PCDHGA1: variants seen among roughly 807,000 people sequenced by gnomAD.
PCDHGA1 encodes the protein protocadherin gamma subfamily A, 1.
A neutral mutation model predicts 58.0 loss-of-function variants in PCDHGA1; 32 were observed. The ratio of observed to expected loss-of-function variants is 0.55; its 90% CI spans 0.42 to 0.74. The LOEUF is 0.74. Ranked by LOEUF, PCDHGA1 falls within the 30% of genes least tolerant of loss-of-function variation. The pLI is 0.00. For missense variants in PCDHGA1, 1,205 were observed against 1,182.3 expected (o/e 1.02, Z -0.28); for synonymous variants, 498 against 501.1 (o/e 0.99, Z 0.08).
chr5:141,512,275 A>G lies in PCDHGA1; in HGVS notation c.*1102A>G, dbSNP rs368275103. 1 of 152,730 alleles carries G rather than the reference A, an allele frequency of 6.5e-6. No individual in the cohort carries two copies. The highest frequency in any genetic ancestry group is 2.1e-4 in the South Asian group (1 of 4,824). The allele number at this position is 152,730 out of a possible 1,614,324, so 9.5% of individuals were successfully genotyped here. ...GGGTGCTGGGTACTCCAGAGGTGCC[A>G]CTGGTGGAAGGGTCAGCGGAGCCCC... On this transcript the variant is annotated 3_prime_UTR_variant, in exon 4 of 4. Transcript: ENST00000517417.
chr5:141,350,552 GA>G, intron 1 of PCDHGA1: 1 of 1,614,066 alleles, frequency 6.2e-7, no homozygotes, highest in Non-Finnish European at 8.5e-7. Context: ...AAGGAAACTT[GA>G]GTGTGCACTA....
intron 1 of PCDHGA1, chr5:141,343,224 T>C: frequency 1.2e-6 from 1 of 852,238 alleles, no homozygotes; most frequent in South Asian, 5.4e-5. Flanking sequence ...GTTTAATGAA[T>C]ATTAAATAAC....
At position 141,485,257 on chromosome 5, in the gene PCDHGA1, T is replaced by G. The variant is rs1251686604; in HGVS notation, c.2422-9550T>G. 1.9e-6 allele frequency: 3 copies of G among 1,614,036 alleles called. No homozygotes were observed. The highest frequency in any genetic ancestry group is 2.5e-6 in the Non-Finnish European group (3 of 1,180,006). ...TCTTTTACCACCTGGGTTACGTTTG[T>G]GGGCAGATCCGCTACCCGGTCCCAG... On this transcript the variant is annotated intron_variant, in intron 1 of 3. Coordinates refer to ENST00000517417, the MANE Select transcript of PCDHGA1 (RefSeq NM_018912.3). The surrounding 1 kb of genome is among the most constrained non-coding windows in gnomAD (Gnocchi z 5.7).
chr5:141,501,066 A>G (rs2099805322), intron 2 of PCDHGA1, among the ~76,000 whole-genome samples: 1 of 151,976 alleles, frequency 6.6e-6, no homozygotes, highest in South Asian at 2.1e-4. Flanking sequence ...ACGGGGTTTC[A>G]CCATGTTGAC....
At position 141,431,738 on chromosome 5, in the gene PCDHGA1, TA is replaced by T; in HGVS notation, c.2422-63068del. ...AGTGCAAGCAATGGATAATGCAGGA[TA>T]TTCTGCGCGAGCCAAAGTCCTGATC... On this transcript the variant is annotated intron_variant, in intron 1 of 3. Coordinates refer to ENST00000517417, the MANE Select transcript of PCDHGA1 (RefSeq NM_018912.3). The surrounding 1 kb of genome is among the most constrained non-coding windows in gnomAD (Gnocchi z 4.8). The T allele has an allele frequency of 6.2e-7, 1 of 1,614,234 alleles. No individual in the cohort carries two copies. Among genetic ancestry groups the T allele is most frequent in the South Asian group, 1.1e-5 (1 of 91,092 alleles).
chr5:141,442,700 T>TC (rs1388243183), intron 1 of PCDHGA1, among the ~76,000 whole-genome samples: 5 of 152,198 alleles, frequency 3.3e-5, no homozygotes, highest in Non-Finnish European at 7.3e-5. Flanking sequence ...CAGACAAGAG[T>TC]ATCAGACATG....
intron 1 of PCDHGA1, chr5:141,415,739 G>GGT (rs2095908308): frequency 2.3e-6 from 1 of 434,538 alleles, no homozygotes; most frequent in East Asian, 5.9e-5. Context: ...TGTTTATTAA[G>GGT]GTTTTTTTTT....
chr5:141,409,130 G>T (rs1265386524), intron 1 of PCDHGA1: 1 of 1,613,994 alleles, frequency 6.2e-7, no homozygotes, highest in Admixed American at 1.7e-5. Context: ...ATTTGATTTT[G>T]AAGATGTAGA....
chr5:141,437,484 T>C (rs547317864), intron 1 of PCDHGA1, among the ~76,000 whole-genome samples: 2 of 152,332 alleles, frequency 1.3e-5, no homozygotes, highest in South Asian at 4.1e-4. Flanking sequence ...ATATTTAATC[T>C]CGTAGATCAC....
At position 141,490,118 on chromosome 5, in the gene PCDHGA1, T is replaced by G. The variant is rs1448768968; in HGVS notation, c.2422-4689T>G. The G allele has an allele frequency of 6.2e-7, 1 of 1,614,158 alleles. No individual in the cohort carries two copies. Among genetic ancestry groups the G allele is most frequent in the Non-Finnish European group, 8.5e-7 (1 of 1,180,048 alleles). On this transcript the variant is annotated intron_variant, in intron 1 of 3. Transcript: ENST00000517417. This position sits in a 1 kb window ranked among gnomAD's most constrained non-coding sequence, Gnocchi z 5.4. ...ACATCTGAGGCAGTGCGGAACCTCT[T>G]TGGCCTAGACCCTAGCAGTGGGGCA...
chr5:141,405,177 G>A, intron 1 of PCDHGA1: 3 of 1,614,140 alleles, frequency 1.9e-6, no homozygotes, highest in African/African-American at 1.3e-5. Flanking sequence ...CACTTTGTGG[G>A]TGTAGATGGG....
At chr5:141,346,666 C>T in intron 1 of PCDHGA1, 2 of 716,478 alleles carry the variant, frequency 2.8e-6, no homozygotes, top group Middle Eastern at 3.9e-4. Flanking sequence ...AAAAATAATA[C>T]ATCGTGAGTG....
At chr5:141,413,270 C>T (rs2095621736) in intron 1 of PCDHGA1, 5 of 1,613,924 alleles carry the variant, frequency 3.1e-6, no homozygotes, top group Non-Finnish European at 4.2e-6. Flanking sequence ...GAGGCTGGAG[C>T]CCGGCAGATC....
At chr5:141,366,162 C>T (rs1037452604) in intron 1 of PCDHGA1, 2 of 1,613,992 alleles carry the variant, frequency 1.2e-6, no homozygotes, top group African/African-American at 2.7e-5. Flanking sequence ...CTGCTTAAGG[C>T]CAGCGAGCCA....
intron 1 of PCDHGA1, chr5:141,374,128 GCTC>G: frequency 6.2e-7 from 1 of 1,603,488 alleles, no homozygotes; most frequent in Non-Finnish European, 8.5e-7. Flanking sequence ...AGCAGGTCCT[GCTC>G]CTCACGCTCC....
At chr5:141,371,409 G>A in intron 1 of PCDHGA1, 7 of 1,614,022 alleles carry the variant, frequency 4.3e-6, no homozygotes, top group Non-Finnish European at 5.9e-6. Context: ...AGATATTTCA[G>A]ATGAAAATGA....
chr5:141,415,579 A>G, intron 1 of PCDHGA1: 1 of 1,614,072 alleles, frequency 6.2e-7, no homozygotes, highest in East Asian at 2.2e-5. Flanking sequence ...AGATGATTCG[A>G]AGTTTCCTAT....
At chr5:141,399,576 C>A (rs2093838433) in intron 1 of PCDHGA1, 4 of 1,614,028 alleles carry the variant, frequency 2.5e-6, no homozygotes, top group Non-Finnish European at 3.4e-6. Context: ...ACGGCCAAGT[C>A]TCCTACTCTA....
intron 1 of PCDHGA1, chr5:141,405,407 CTT>C (rs762612492): frequency 6.3e-7 from 1 of 1,581,924 alleles, no homozygotes; most frequent in African/African-American, 1.4e-5. Flanking sequence ...TCTTTCTTTT[CTT>C]TTTTTGTTTT....
Sources: gnomAD v4.1 joint callset for allele counts (sites outside exome capture counted in the v4.1 genomes callset) on GRCh38, gnomAD v4.1.1 for gene constraint, Gnocchi (gnomAD v3.1) non-coding constraint, MANE v1.5 for transcripts, NCBI Gene and HGNC (gene_info 2026-07-23, HGNC 2026-07-21) for gene names.